CLSTN2: variants seen among roughly 807,000 people sequenced by gnomAD.
CLSTN2 encodes calsyntenin-2.
Under a neutral mutation model 101.2 loss-of-function variants are expected in CLSTN2, and 48 were observed. The observed-to-expected ratio is 0.47, with a 90% CI of 0.38 to 0.60. CLSTN2 has a LOEUF of 0.60. Among genes scored for constraint, CLSTN2 ranks in the 20% least tolerant of loss-of-function variants. The pLI is 0.00. For missense variants in CLSTN2, 1,160 were observed against 1,238.2 expected (o/e 0.94, Z 0.95); for synonymous variants, 481 against 463.6 (o/e 1.04, Z -0.48).
intron 2 of CLSTN2, among the ~76,000 whole-genome samples, chr3:140,351,950 G>A (rs1479717169): frequency 6.6e-6 from 1 of 151,474 alleles, no homozygotes; most frequent in African/African-American, 2.4e-5. Flanking sequence ...GACAAAACTG[G>A]AAAGTTAGAA....
At chr3:140,155,562 G>T (rs1285128770) in intron 1 of CLSTN2, among the ~76,000 whole-genome samples, 1 of 152,176 alleles carries the variant, frequency 6.6e-6, no homozygotes, top group Non-Finnish European at 1.5e-5. Flanking sequence ...GAAAAGAGCA[G>T]GTTACTCAGA....
At chr3:140,564,215 T>C (rs1441847697) in intron 16 of CLSTN2, 70 bp downstream of exon 16, 2 of 1,448,648 alleles carry the variant, frequency 1.4e-6, no homozygotes, top group Non-Finnish European at 1.9e-6. Context: ...ACCCTTCCTA[T>C]GCCTAAAGCA....
chr3:140,437,222 G>A (rs2088698141), intron 5 of CLSTN2, among the ~76,000 whole-genome samples: 1 of 151,978 alleles, frequency 6.6e-6, no homozygotes, highest in Admixed American at 6.6e-5. Flanking sequence ...CTAATGTTTT[G>A]TATTTTTAGT....
chr3:140,265,868 C>T (rs563890428), intron 2 of CLSTN2, among the ~76,000 whole-genome samples: 2 of 152,262 alleles, frequency 1.3e-5, no homozygotes, highest in African/African-American at 4.8e-5. Context: ...GAGTCTTCCT[C>T]TTGTGATATG....
At chr3:140,500,776 C>G (rs1386783304) in intron 8 of CLSTN2, among the ~76,000 whole-genome samples, 3 of 151,992 alleles carry the variant, frequency 2.0e-5, no homozygotes, top group Non-Finnish European at 4.4e-5. Flanking sequence ...CCCAGGGAGA[C>G]TGAGGAGAAA....
chr3:140,322,556 T>G (rs2087293890), intron 2 of CLSTN2, among the ~76,000 whole-genome samples: 1 of 152,242 alleles, frequency 6.6e-6, no homozygotes, highest in African/African-American at 2.4e-5. Flanking sequence ...CTACAGCAGA[T>G]GTCAATGTAC....
chr3:140,135,117 C>CACACATATAT lies in CLSTN2; in HGVS notation c.110-40833_110-40832insCACATATATA, dbSNP rs1488268767. On this transcript the variant is annotated intron_variant, in intron 1 of 16. Transcript: ENST00000458420. ...ACACACACACACACACACACACACA[C>CACACATATAT]ATATATATATATATATATATATATA... is the stretch of plus-strand genomic sequence containing the variant. 1.1e-3 allele frequency among the ~76,000 whole-genome samples: 66 copies of CACACATATAT among 58,076 alleles called. 1 individual carries two copies. Among genetic ancestry groups the CACACATATAT allele is most frequent in the Non-Finnish European group, 1.3e-3 (43 of 33,344 alleles). 38.1% of individuals were successfully genotyped at this position (58,076 alleles called of 152,430 possible).
intron 2 of CLSTN2, among the ~76,000 whole-genome samples, chr3:140,264,942 G>T (rs975006131): frequency 1.3e-5 from 2 of 152,144 alleles, no homozygotes; most frequent in East Asian, 1.9e-4. Flanking sequence ...ACAGGTCTCT[G>T]CCCTGAAGGA....
chr3:140,568,654 CT>C lies in CLSTN2; in HGVS notation c.*2406del, dbSNP rs1985402950. The C allele has an allele frequency of 6.6e-6, 1 of 152,140 alleles. No individual in the cohort carries two copies. The highest frequency in any genetic ancestry group is 6.5e-5 in the Admixed American group (1 of 15,270). 9.4% of individuals were successfully genotyped at this position (152,140 alleles called of 1,614,324 possible). On this transcript the variant is annotated 3_prime_UTR_variant, in exon 17 of 17. Coordinates refer to ENST00000458420, the MANE Select transcript of CLSTN2 (RefSeq NM_022131.3). ...ACACTTCATATGCTTAAAACCCATT[CT>C]TTTTGAATTAGATTTTGATTTTAAA...
intron 1 of CLSTN2, among the ~76,000 whole-genome samples, chr3:140,086,191 G>A (rs1418473206): frequency 6.6e-6 from 1 of 152,174 alleles, no homozygotes; most frequent in Non-Finnish European, 1.5e-5. Flanking sequence ...GTCCCTCTTA[G>A]TCTTTTGAGA....
chr3:139,992,817 A>G (rs145907269), intron 1 of CLSTN2, among the ~76,000 whole-genome samples: 30 of 152,238 alleles, frequency 2.0e-4, no homozygotes, highest in Non-Finnish European at 4.1e-4. Context: ...GAAGGGCTAG[A>G]CAGTTGAAGG....
chr3:140,321,346 G>A (rs1260912251), intron 2 of CLSTN2, among the ~76,000 whole-genome samples: 1 of 152,106 alleles, frequency 6.6e-6, no homozygotes, highest in East Asian at 1.9e-4. Flanking sequence ...CCTTTGACCA[G>A]CTCTGTCAAT....
intron 2 of CLSTN2, among the ~76,000 whole-genome samples, chr3:140,206,103 C>T (rs2107843999): frequency 6.6e-6 from 1 of 152,318 alleles, no homozygotes; most frequent in Middle Eastern, 3.4e-3. Context: ...TAATAAGTAA[C>T]AAATTGCTGC....
At chr3:140,307,867 A>G (rs140289414) in intron 2 of CLSTN2, among the ~76,000 whole-genome samples, 56 of 152,322 alleles carry the variant, frequency 3.7e-4, no homozygotes, top group African/African-American at 1.0e-3. Flanking sequence ...ACCAATTAAC[A>G]ATACATTTCA....
At chr3:140,552,835 A>C (rs1290303860) in intron 10 of CLSTN2, among the ~76,000 whole-genome samples, 1 of 152,202 alleles carries the variant, frequency 6.6e-6, no homozygotes. Flanking sequence ...TAGCAACAGC[A>C]CAAGACTCTG....
At chr3:140,540,552 G>T (rs1020311332) in intron 9 of CLSTN2, among the ~76,000 whole-genome samples, 3 of 152,196 alleles carry the variant, frequency 2.0e-5, no homozygotes, top group African/African-American at 7.2e-5. Context: ...GCTTAAAATT[G>T]ACACCCAAGC....
chr3:140,049,205 T>C (rs1443176409), intron 1 of CLSTN2, among the ~76,000 whole-genome samples: 1 of 152,256 alleles, frequency 6.6e-6, no homozygotes, highest in Admixed American at 6.5e-5. Flanking sequence ...TAAATCACCT[T>C]CACGTCTTTC....
At chr3:140,388,907 G>A (rs1255833516) in intron 2 of CLSTN2, among the ~76,000 whole-genome samples, 1 of 152,122 alleles carries the variant, frequency 6.6e-6, no homozygotes, top group Non-Finnish European at 1.5e-5. Context: ...ACTGAGAGAT[G>A]TTATTATATA....
chr3:140,117,010 T>A (rs2009254745), intron 1 of CLSTN2, among the ~76,000 whole-genome samples: 1 of 152,160 alleles, frequency 6.6e-6, no homozygotes, highest in South Asian at 2.1e-4. Flanking sequence ...GGAGCCCCCC[T>A]TTCCCCTGCT....
Sources: gnomAD v4.1 joint callset for allele counts (sites outside exome capture counted in the v4.1 genomes callset) on GRCh38, gnomAD v4.1.1 for gene constraint, MANE v1.5 for transcripts, NCBI Gene and HGNC (gene_info 2026-07-23, HGNC 2026-07-21) for gene names.